B3GALT5: variants seen among roughly 807,000 people sequenced by gnomAD.
B3GALT5 encodes beta-1,3-galactosyltransferase 5, also known as UDP-Gal:betaGlcNAc beta 1,3-galactosyltransferase, polypeptide 5.
For synonymous variants in B3GALT5, 156 were observed against 158.6 expected (o/e 0.98, Z 0.12); for missense variants, 328 against 396.6 (o/e 0.83, Z 1.47).
chr21:39,621,122 C>T (rs2079132288), intron 1 of B3GALT5, among the ~76,000 whole-genome samples: 1 of 152,188 alleles, frequency 6.6e-6, no homozygotes, highest in African/African-American at 2.4e-5. Context: ...TGATAATGGA[C>T]ATCCTTGTCT....
chr21:39,658,008 G>A (rs914132999), intron 2 of B3GALT5: 1 of 958,768 alleles, frequency 1.0e-6, no homozygotes, highest in Non-Finnish European at 1.4e-6. Context: ...CTAGGATCTG[G>A]GGACACAGGC....
chr21:39,632,766 G>C (rs1259937329), intron 1 of B3GALT5, among the ~76,000 whole-genome samples: 1 of 152,206 alleles, frequency 6.6e-6, no homozygotes, highest in Non-Finnish European at 1.5e-5. Context: ...GATCATTCTG[G>C]TGGTAGGGAT....
chr21:39,656,729 A>G (rs914428626), intron 2 of B3GALT5, among the ~76,000 whole-genome samples: 1 of 152,186 alleles, frequency 6.6e-6, no homozygotes, highest in African/African-American at 2.4e-5. Flanking sequence ...GCTTAAGGCA[A>G]GGTCTCCTCA....
chr21:39,649,755 T>C (rs921348288), intron 2 of B3GALT5, among the ~76,000 whole-genome samples: 2 of 151,988 alleles, frequency 1.3e-5, no homozygotes, highest in Non-Finnish European at 2.9e-5. Context: ...GATAGTGACG[T>C]TGGGGATCTG....
In B3GALT5 at chr21:39,671,044, T is replaced by G. The variant is rs1185738901; in HGVS notation, c.*9552T>G. 6.6e-6 allele frequency: 1 copy of G among 152,278 alleles called. No individual in the cohort carries two copies. Among genetic ancestry groups the G allele is most frequent in the Non-Finnish European group, 1.5e-5 (1 of 68,066 alleles). 9.4% of individuals were successfully genotyped at this position (152,278 alleles called of 1,614,324 possible). A position where few individuals can be genotyped will look rare whatever the true frequency, so the allele number is the denominator to read the frequency against. On this transcript the variant is annotated 3_prime_UTR_variant, in exon 4 of 4. Transcript: ENST00000684187. ...CACTGGCCTCTGGTGAGGGCCTTCA[T>G]GCTGTGTCATTGTGGGCAAAAGAGC...
intron 1 of B3GALT5, among the ~76,000 whole-genome samples, chr21:39,628,171 TATTATAAATACGGTAAGTAAATTAGGGGA>T (rs2079173838): frequency 6.6e-6 from 1 of 152,180 alleles, no homozygotes; most frequent in Admixed American, 6.5e-5. Flanking sequence ...TTAAAATCGT[TATTATAAATACGGTAAGTAAATTAGGGGA>T]AATGATGAAC....
At position 39,661,801 on chromosome 21, in the gene B3GALT5, C is replaced by G. The variant is rs2079528768; in HGVS notation, c.*309C>G. On this transcript the variant is annotated 3_prime_UTR_variant, in exon 4 of 4. Transcript: ENST00000684187. This position sits in a 1 kb window ranked among gnomAD's most constrained non-coding sequence, Gnocchi z 4.7. ...CCTAATTTTACAGGCAAGGACACAGCAGCTGCGAGAGGTACAGAAACTTGT... is the reference window on the plus strand; with the variant it reads ...CCTAATTTTACAGGCAAGGACACAGGAGCTGCGAGAGGTACAGAAACTTGT... 4.2e-6 allele frequency: 1 copy of G among 237,262 alleles called. No homozygotes were observed. Among genetic ancestry groups the G allele is most frequent in the Non-Finnish European group, 8.8e-6 (1 of 113,666 alleles). The allele number at this position is 237,262 out of a possible 1,614,324, so 14.7% of individuals were successfully genotyped here.
chr21:39,629,235 G>A (rs1280989509), intron 1 of B3GALT5, among the ~76,000 whole-genome samples: 3 of 152,160 alleles, frequency 2.0e-5, no homozygotes, highest in Non-Finnish European at 2.9e-5. Context: ...GGCTGGTCTC[G>A]AACTCCTGAT....
intron 1 of B3GALT5, among the ~76,000 whole-genome samples, chr21:39,633,243 G>GAAATCAT (rs981635905): frequency 5.3e-5 from 8 of 152,132 alleles, no homozygotes; most frequent in Non-Finnish European, 7.4e-5. Flanking sequence ...TGGTAACAAG[G>GAAATCAT]AAATCATAAA....
intron 1 of B3GALT5, among the ~76,000 whole-genome samples, chr21:39,640,557 G>C (rs982086902): frequency 2.0e-5 from 3 of 152,174 alleles, no homozygotes; most frequent in African/African-American, 7.2e-5. Flanking sequence ...ATCCTTAAAA[G>C]TTCTCAGACA....
At chr21:39,658,184 T>A (rs910839109) in intron 2 of B3GALT5, among the ~76,000 whole-genome samples, 1 of 152,174 alleles carries the variant, frequency 6.6e-6, no homozygotes, top group African/African-American at 2.4e-5. Context: ...TAACTCCACT[T>A]TAGGCAGGAA....
rs73360153 is a variant in B3GALT5, at chr21:39,665,726, C to T, written c.*4234C>T. On this transcript the variant is annotated 3_prime_UTR_variant, in exon 4 of 4. Coordinates refer to ENST00000684187, the MANE Select transcript of B3GALT5 (RefSeq NM_001356336.2). ...ATGTCACCTTCTCAGTGAGGCCTAC[C>T]CTGACCTCCCTGTAGGAAAATGCAA... 1 of 152,362 alleles carries T rather than the reference C, an allele frequency of 6.6e-6. No individual in the cohort carries two copies. Among genetic ancestry groups the T allele is most frequent in the Admixed American group, 6.5e-5 (1 of 15,296 alleles). The allele number at this position is 152,362 out of a possible 1,614,324, so 9.4% of individuals were successfully genotyped here. A position where few individuals can be genotyped will look rare whatever the true frequency, so the allele number is the denominator to read the frequency against.
chr21:39,633,070 A>C (rs2079202730), intron 1 of B3GALT5, among the ~76,000 whole-genome samples: 1 of 152,082 alleles, frequency 6.6e-6, no homozygotes, highest in Non-Finnish European at 1.5e-5. Flanking sequence ...GAAAATGATG[A>C]TTGCACTCTT....
intron 1 of B3GALT5, among the ~76,000 whole-genome samples, chr21:39,640,375 C>T (rs1482894682): frequency 1.3e-5 from 2 of 152,170 alleles, no homozygotes; most frequent in African/African-American, 2.4e-5. Context: ...TTGCATCCTT[C>T]CCTGCTCCTG....
At position 39,661,368 on chromosome 21, in the gene B3GALT5, G is replaced by T; in HGVS notation, c.809G>T (p.Gly270Val). The change falls in exon 4 of 4, where the codon GGC becomes GTC. Residue 270 changes from glycine to valine, a missense_variant. By Grantham distance (109) the Gly-to-Val change is moderately radical. Transcript: ENST00000684187. This position sits in a 1 kb window ranked among gnomAD's most constrained non-coding sequence, Gnocchi z 4.7. ...TCCCAGCCGACCTTTTTTCCAGGGG[G>T]CTTACGCTTCTCCGTATGCCTCTTC... Reference protein sequence around the residue: ...LHSQPTFFPGGLRFSVCLFRR... With the variant: ...LHSQPTFFPGVLRFSVCLFRR... 1.2e-6 allele frequency: 2 copies of T among 1,606,872 alleles called. No homozygotes were observed. Among genetic ancestry groups the T allele is most frequent in the Non-Finnish European group, 1.7e-6 (2 of 1,176,718 alleles).
At chr21:39,619,998 G>A (rs1296807628) in intron 1 of B3GALT5, among the ~76,000 whole-genome samples, 3 of 151,982 alleles carry the variant, frequency 2.0e-5, no homozygotes, top group African/African-American at 4.8e-5. Flanking sequence ...TGGTAGAGAC[G>A]GTATTTTTGG....
At chr21:39,621,025 G>A (rs1477752263) in intron 1 of B3GALT5, among the ~76,000 whole-genome samples, 1 of 152,174 alleles carries the variant, frequency 6.6e-6, no homozygotes, top group Admixed American at 6.5e-5. Flanking sequence ...AACATTTTGG[G>A]AGACCAAAGC....
At chr21:39,626,015 C>T (rs974745542) in intron 1 of B3GALT5, among the ~76,000 whole-genome samples, 8 of 152,162 alleles carry the variant, frequency 5.3e-5, no homozygotes, top group Non-Finnish European at 8.8e-5. Flanking sequence ...GTGTGACCTT[C>T]ACTACTGTCT....
At position 39,661,806 on chromosome 21, in the gene B3GALT5, G is replaced by A; in HGVS notation, c.*314G>A. 4.4e-6 allele frequency: 1 copy of A among 229,850 alleles called. No individual in the cohort carries two copies. The allele number at this position is 229,850 out of a possible 1,614,324, so 14.2% of individuals were successfully genotyped here. A position where few individuals can be genotyped will look rare whatever the true frequency, so the allele number is the denominator to read the frequency against. On this transcript the variant is annotated 3_prime_UTR_variant, in exon 4 of 4. Transcript: ENST00000684187. The surrounding 1 kb of genome is among the most constrained non-coding windows in gnomAD (Gnocchi z 4.7). ...TTTTACAGGCAAGGACACAGCAGCTGCGAGAGGTACAGAAACTTGTCCCAA... is the reference window on the plus strand; with the variant it reads ...TTTTACAGGCAAGGACACAGCAGCTACGAGAGGTACAGAAACTTGTCCCAA...
Sources: gnomAD v4.1 joint callset for allele counts (sites outside exome capture counted in the v4.1 genomes callset) on GRCh38, gnomAD v4.1.1 for gene constraint, Gnocchi (gnomAD v3.1) non-coding constraint, MANE v1.5 for transcripts, NCBI Gene and HGNC (gene_info 2026-07-23, HGNC 2026-07-21) for gene names.